Variants in ANO5 observed in about 807,000 individuals in gnomAD.
ANO5 encodes anoctamin 5.
In ANO5, 109 loss-of-function variants were observed where a neutral mutation model predicts 121.0. The observed-to-expected ratio is 0.90, with a 90% CI of 0.77 to 1.06. The LOEUF is 1.06. ANO5 is among the 50% of genes least tolerant of loss of function. The pLI is 0.00. For synonymous variants in ANO5, 406 were observed against 359.9 expected, an observed-to-expected ratio of 1.13 and a Z score of -1.45; for missense variants, 1,064 against 1,078.5, an observed-to-expected ratio of 0.99 and a Z score of 0.19.
chr11:22,269,088 G>A (rs886774446), intron 17 of ANO5, among the ~76,000 whole-genome samples: 4 of 148,976 alleles, frequency 2.7e-5, no homozygotes, highest in Non-Finnish European at 4.5e-5. Flanking sequence ...AAGGAAGGAC[G>A]GAAGGAAGCA....
intron 5 of ANO5, among the ~76,000 whole-genome samples, chr11:22,224,228 T>G (rs1445568289): frequency 6.6e-6 from 1 of 152,044 alleles, no homozygotes; most frequent in African/African-American, 2.4e-5. Flanking sequence ...TGTCTTACAG[T>G]TTTAAAATCA....
intron 8 of ANO5, among the ~76,000 whole-genome samples, chr11:22,236,529 C>T (rs1853226906): frequency 6.6e-6 from 1 of 152,100 alleles, no homozygotes; most frequent in Admixed American, 6.6e-5. Context: ...TATTAGAACC[C>T]ATTTTGAAAA....
chr11:22,250,833 G>A lies in ANO5; in HGVS notation c.1106G>A (p.Cys369Tyr), dbSNP rs886044154. 2 of 1,613,968 alleles carry A rather than the reference G, an allele frequency of 1.2e-6. No homozygotes were observed. Among genetic ancestry groups the A allele is most frequent in the Non-Finnish European group, 1.7e-6 (2 of 1,179,882 alleles). ...GATTATTGGAGACTAAATAGTACGTGTTTGGCTTCAAAGGTATGTATGCAT... is the reference window on the plus strand; with the variant it reads ...GATTATTGGAGACTAAATAGTACGTATTTGGCTTCAAAGGTATGTATGCAT... Reference protein sequence around the residue: ...VCDYWRLNSTCLASKFSHLFD... With the variant: ...VCDYWRLNSTYLASKFSHLFD... Residue 369 changes from cysteine (C) to tyrosine (Y), a missense_variant, in exon 11 of 22, where the codon TGT becomes TAT. Coordinates refer to ENST00000324559, the MANE Select transcript of ANO5 (RefSeq NM_213599.3).
At chr11:22,192,806 ATG>A (rs1851687756), upstream of ANO5, among the ~76,000 whole-genome samples, 2 of 152,152 alleles carry the variant, frequency 1.3e-5, no homozygotes, top group African/African-American at 4.8e-5. Context: ...CCTGTACAGA[ATG>A]GAGCAGGCCG....
Position 22,221,129 on chromosome 11 carries a change from C to T in ANO5, c.213C>T (p.Ile71=), listed in dbSNP as rs1369541569. Residue 71 remains isoleucine, a synonymous_variant, in exon 5 of 22, where the codon ATC becomes ATT. Coordinates refer to ENST00000324559, the MANE Select transcript of ANO5 (RefSeq NM_213599.3). ...FQKNQQSKDS[I]FFRDGIRQID... is the part of the protein sequence containing the mutation. The stretch of plus-strand genomic sequence containing the variant: ...AAAATCAGCAAAGCAAAGATTCTAT[C>T]TTCTTCCGAGATGGGATTAGGCAAA... 3.1e-6 allele frequency: 5 copies of T among 1,611,786 alleles called. No individual in the cohort carries two copies. Among genetic ancestry groups the T allele is most frequent in the East Asian group, 2.2e-5 (1 of 44,704 alleles).
At chr11:22,201,657 T>C (rs946228103) in intron 1 of ANO5, among the ~76,000 whole-genome samples, 2 of 152,186 alleles carry the variant, frequency 1.3e-5, no homozygotes, top group East Asian at 1.9e-4. Context: ...GTGAGCCCCT[T>C]CTTGCTGTGT....
chr11:22,278,570 A>T (rs184431243), intron 21 of ANO5, among the ~76,000 whole-genome samples: 33 of 137,586 alleles, frequency 2.4e-4, no homozygotes, highest in Non-Finnish European at 4.0e-4. Flanking sequence ...ACTTACCTAC[A>T]TATTTGGTGG....
intron 3 of ANO5, among the ~76,000 whole-genome samples, chr11:22,216,528 T>A (rs1194536594): frequency 6.6e-6 from 1 of 151,840 alleles, no homozygotes; most frequent in East Asian, 1.9e-4. Flanking sequence ...TTCTGCATTT[T>A]AAAAAAATGA....
At chr11:22,249,377 C>A (rs1326017399) in intron 9 of ANO5, among the ~76,000 whole-genome samples, 1 of 152,004 alleles carries the variant, frequency 6.6e-6, no homozygotes, top group African/African-American at 2.4e-5. Flanking sequence ...ATATGGCATG[C>A]TACTAGAACA....
intron 4 of ANO5, among the ~76,000 whole-genome samples, chr11:22,219,722 A>G (rs1852578617): frequency 6.6e-6 from 1 of 151,876 alleles, no homozygotes. Context: ...TTCAAGTTTT[A>G]GTGATTTATA....
intron 1 of ANO5, among the ~76,000 whole-genome samples, chr11:22,195,008 C>A (rs988941753): frequency 1.3e-5 from 2 of 152,098 alleles, no homozygotes; most frequent in Admixed American, 6.5e-5. Context: ...TAAGAAACTG[C>A]CAAACTGTTT....
rs746448319 is a variant in ANO5, at chr11:22,225,968, T to C, written c.295-16T>C. On this transcript the variant is annotated splice_polypyrimidine_tract_variant and intron_variant, in intron 5 of 21. Transcript: ENST00000324559. ...AAAGCATTCTGCATAATTCTGTTGATTTTTTTTTGTCATAGGAAAGAAGAA... is the reference window on the plus strand; with the variant it reads ...AAAGCATTCTGCATAATTCTGTTGACTTTTTTTTGTCATAGGAAAGAAGAA... The C allele has an allele frequency of 7.7e-5, 114 of 1,481,350 alleles. No individual in the cohort carries two copies. The highest frequency in any genetic ancestry group is 9.9e-5 in the Non-Finnish European group (106 of 1,068,924). 91.8% of individuals were successfully genotyped at this position (1,481,350 alleles called of 1,614,324 possible). A position where few individuals can be genotyped will look rare whatever the true frequency, so the allele number is the denominator to read the frequency against.
At position 22,280,460 on chromosome 11, in the gene ANO5, A is replaced by T. The variant is rs528171693; in HGVS notation, c.*695A>T. 2 of 152,034 alleles carry T rather than the reference A, an allele frequency of 1.3e-5. No homozygotes were observed. The highest frequency in any genetic ancestry group is 4.2e-4 in the South Asian group (2 of 4,818). The allele number at this position is 152,034 out of a possible 1,614,324, so 9.4% of individuals were successfully genotyped here. On this transcript the variant is annotated 3_prime_UTR_variant, in exon 22 of 22. Transcript: ENST00000324559. The stretch of plus-strand genomic sequence containing the variant: ...TAATAATTTGGTTATAATAGTTTCA[A>T]GACTGATCTTATCTGGAAAGCAACA...
chr11:22,250,850 T>A lies in ANO5; in HGVS notation c.1119+4T>A, dbSNP rs766446281. 1.2e-6 allele frequency: 2 copies of A among 1,612,946 alleles called. No individual in the cohort carries two copies. The highest frequency in any genetic ancestry group is 2.2e-5 in the East Asian group (1 of 44,848). Reference sequence around the variant, plus strand: ...TAGTACGTGTTTGGCTTCAAAGGTATGTATGCATTGTAACATGTTGAAAAG... The same window carrying A: ...TAGTACGTGTTTGGCTTCAAAGGTAAGTATGCATTGTAACATGTTGAAAAG... On this transcript the variant is annotated splice_donor_region_variant and intron_variant, in intron 11 of 21. Coordinates refer to ENST00000324559, the MANE Select transcript of ANO5 (RefSeq NM_213599.3).
At chr11:22,193,673 C>A in intron 1 of ANO5, 141 bp downstream of exon 1, 1 of 1,140,948 alleles carries the variant, frequency 8.8e-7, no homozygotes, top group African/African-American at 1.5e-5. Flanking sequence ...GTGCTCAGCG[C>A]GAAACCGGGA....
chr11:22,273,953 G>A lies in ANO5; in HGVS notation c.2236-616G>A, dbSNP rs1854732398. Reference sequence around the variant, plus strand: ...TACATTAGATTTTTTTTAAAGCGTAGCACTAAAATTATAAGTGCCAGAGCC... The same window carrying A: ...TACATTAGATTTTTTTTAAAGCGTAACACTAAAATTATAAGTGCCAGAGCC... On this transcript the variant is annotated intron_variant, in intron 19 of 21. Transcript: ENST00000324559. Among the ~76,000 whole-genome samples the A allele has an allele frequency of 2.6e-5, 4 of 151,900 alleles. No homozygotes were observed. In the South Asian group the frequency reaches 8.3e-4, roughly 31 times the overall value.
At chr11:22,206,912 A>T (rs1852138867) in intron 2 of ANO5, among the ~76,000 whole-genome samples, 1 of 152,030 alleles carries the variant, frequency 6.6e-6, no homozygotes. Flanking sequence ...TTGCAATAAG[A>T]CAAAAAAATA....
At position 22,203,862 on chromosome 11, in the gene ANO5, A is replaced by G; in HGVS notation, c.87+12A>G. ...TCCAAATGAGTGAGGTAAGTTAAAT[A>G]TATATGCATTAACTTCCTTATAAGT... On this transcript the variant is annotated intron_variant, in intron 2 of 21. Coordinates refer to ENST00000324559, the MANE Select transcript of ANO5 (RefSeq NM_213599.3). 1.4e-6 allele frequency: 2 copies of G among 1,440,676 alleles called. No homozygotes were observed. Among genetic ancestry groups the G allele is most frequent in the Non-Finnish European group, 1.9e-6 (2 of 1,029,612 alleles). The allele number at this position is 1,440,676 out of a possible 1,614,324, so 89.2% of individuals were successfully genotyped here. A position where few individuals can be genotyped will look rare whatever the true frequency, so the allele number is the denominator to read the frequency against.
rs184947986 is a variant in ANO5 at position 22,228,873 on chromosome 11, T to G, written c.648+1287T>G. Among the ~76,000 whole-genome samples the G allele has an allele frequency of 1.5e-3, 225 of 152,092 alleles. 2 individuals are homozygous for G. Among genetic ancestry groups the G allele is most frequent in the Admixed American group, 3.3e-4 (5 of 15,262 alleles). ...GTGTGTACACCTTTTCTTTCTTCAT[T>G]CATTCATTGATGGACATTTAGATTG... On this transcript the variant is annotated intron_variant, in intron 7 of 21. Coordinates refer to ENST00000324559, the MANE Select transcript of ANO5 (RefSeq NM_213599.3).
Sources: gnomAD v4.1 joint callset for allele counts (sites outside exome capture counted in the v4.1 genomes callset) on GRCh38, gnomAD v4.1.1 for gene constraint, MANE v1.5 for transcripts, NCBI Gene and HGNC (gene_info 2026-07-23, HGNC 2026-07-21) for gene names.